CCDC12: variants seen among roughly 807,000 people sequenced by gnomAD.
CCDC12 encodes coiled-coil domain containing 12.
Under a neutral mutation model 25.7 loss-of-function variants are expected in CCDC12, and 28 were observed. The ratio of observed to expected loss-of-function variants is 1.09; its 90% CI spans 0.81 to 1.50. The LOEUF is 1.50. Among genes scored for constraint, CCDC12 ranks in the 40% most tolerant of loss-of-function variants. The pLI, the probability that CCDC12 is intolerant of heterozygous loss-of-function variation, is 0.00. For synonymous variants in CCDC12, 75 were observed against 87.7 expected (o/e 0.86, Z 0.81); for missense variants, 198 against 210.0 (o/e 0.94, Z 0.35).
chr3:46,934,943 C>A (rs2033385086), intron 2 of CCDC12, among the ~76,000 whole-genome samples: 1 of 152,234 alleles, frequency 6.6e-6, no homozygotes, highest in Admixed American at 6.5e-5. Flanking sequence ...GATCAAACAA[C>A]CATGATCTGT....
chr3:46,923,762 C>T, intron 3 of CCDC12, 94 bp from the exon 4 acceptor site: 1 of 1,071,934 alleles, frequency 9.3e-7, no homozygotes, highest in Non-Finnish European at 1.3e-6. Flanking sequence ...AGAGACGGGA[C>T]CCCAGGCTTC....
intron 3 of CCDC12, chr3:46,925,020 T>C (rs2032881750): frequency 5.8e-6 from 2 of 346,352 alleles, no homozygotes; most frequent in Admixed American, 3.9e-5. Flanking sequence ...CTCCCCTGCC[T>C]CAGTGCTCCA....
intron 4 of CCDC12, 70 bp from the exon 5 acceptor site, chr3:46,923,433 A>G (rs1469192679): frequency 6.4e-7 from 1 of 1,551,766 alleles, no homozygotes; most frequent in African/African-American, 1.4e-5. Flanking sequence ...CAGGCTCGAG[A>G]AGGAGGGAAA....
chr3:46,936,155 T>C (rs2107126064), intron 2 of CCDC12, among the ~76,000 whole-genome samples: 1 of 152,320 alleles, frequency 6.6e-6, no homozygotes, highest in Middle Eastern at 3.4e-3. Flanking sequence ...TGTATCTGGT[T>C]AGACAAATGA....
intron 3 of CCDC12, 123 bp from the exon 4 acceptor site, chr3:46,923,791 T>A (rs910985220): frequency 1.3e-6 from 1 of 787,290 alleles, no homozygotes; most frequent in Non-Finnish European, 1.8e-6. Context: ...CACCTCTGTG[T>A]GGCCCGCAAC....
At chr3:46,934,249 C>G (rs1463123199) in intron 2 of CCDC12, among the ~76,000 whole-genome samples, 2 of 152,242 alleles carry the variant, frequency 1.3e-5, no homozygotes, top group Non-Finnish European at 2.9e-5. Context: ...CCCTCACCCT[C>G]CCAGGGCCCA....
chr3:46,969,596 T>TC (rs2107198423), intron 1 of CCDC12, among the ~76,000 whole-genome samples: 1 of 152,220 alleles, frequency 6.6e-6, no homozygotes, highest in African/African-American at 2.4e-5. Context: ...AGCACTTAAC[T>TC]CCACAGGGTA....
At chr3:46,938,453 T>G (rs558848490) in intron 2 of CCDC12, among the ~76,000 whole-genome samples, 4 of 149,478 alleles carry the variant, frequency 2.7e-5, no homozygotes, top group Non-Finnish European at 5.9e-5. Flanking sequence ...ACACATATAC[T>G]CACCTCCTGC....
chr3:46,924,087 G>A, intron 3 of CCDC12: 1 of 162,784 alleles, frequency 6.1e-6, no homozygotes, highest in East Asian at 1.8e-4. Flanking sequence ...TCCCACCTCA[G>A]GTGTATGCTC....
intron 1 of CCDC12, among the ~76,000 whole-genome samples, chr3:46,959,956 C>G (rs2034413972): frequency 6.6e-6 from 1 of 152,190 alleles, no homozygotes; most frequent in South Asian, 2.1e-4. Context: ...GGACACTACT[C>G]ATAAGCCAAC....
At chr3:46,940,931 C>G in intron 2 of CCDC12, 67 bp downstream of exon 2, 1 of 1,500,398 alleles carries the variant, frequency 6.7e-7, no homozygotes, top group Non-Finnish European at 9.3e-7. Flanking sequence ...TTGGGAGGAC[C>G]CAGAGACTGG....
At chr3:46,938,091 C>T (rs765087799) in intron 2 of CCDC12, among the ~76,000 whole-genome samples, 6 of 152,220 alleles carry the variant, frequency 3.9e-5, no homozygotes, top group Non-Finnish European at 8.8e-5. Flanking sequence ...CACCATGCTC[C>T]ACTGCCTCAA....
chr3:46,951,798 A>AATAT (rs1553649460), intron 1 of CCDC12, among the ~76,000 whole-genome samples: 11 of 8,462 alleles, frequency 1.3e-3, no homozygotes, highest in African/African-American at 2.7e-3. Context: ...AAAAAAAAAA[A>AATAT]ATATATATAT....
At chr3:46,924,628 T>C (rs1312858486) in intron 3 of CCDC12, among the ~76,000 whole-genome samples, 1 of 152,140 alleles carries the variant, frequency 6.6e-6, no homozygotes, top group East Asian at 1.9e-4. Context: ...GTGGATCACT[T>C]GAGGTCAGGA....
At position 46,925,457 on chromosome 3, in the gene CCDC12, T is replaced by G. The variant is rs959892011; in HGVS notation, c.243A>C (p.Ala81=). Residue 81 remains alanine (A), a splice_region_variant and synonymous_variant, in exon 3 of 7, where the codon GCA becomes GCC. Transcript: ENST00000683445. ...GGTGGAGAGGGACAGCTTGCTTACC[T>G]GCAACCGGTTTGGCCTGGGGCACCC... is the stretch of plus-strand genomic sequence containing the variant. ...KRRVPQAKPV[A]VEEKVKEQLE... is the part of the protein sequence containing the mutation. 1 of 1,613,444 alleles carries G rather than the reference T, an allele frequency of 6.2e-7. No individual in the cohort carries two copies. Among genetic ancestry groups the G allele is most frequent in the Non-Finnish European group, 8.5e-7 (1 of 1,179,574 alleles).
At chr3:46,926,983 C>T (rs921587072) in intron 2 of CCDC12, among the ~76,000 whole-genome samples, 2 of 152,184 alleles carry the variant, frequency 1.3e-5, no homozygotes, top group African/African-American at 2.4e-5. Flanking sequence ...AGCTAGCAAG[C>T]GGCAGTGCTT....
At chr3:46,954,032 C>A (rs1160348217) in intron 1 of CCDC12, among the ~76,000 whole-genome samples, 2 of 152,180 alleles carry the variant, frequency 1.3e-5, no homozygotes, top group Non-Finnish European at 1.5e-5. Flanking sequence ...AAGGTCCATG[C>A]AGATTGGAAG....
chr3:46,970,325 C>T (rs4450857), intron 1 of CCDC12, among the ~76,000 whole-genome samples: 143,085 of 151,836 alleles, frequency 0.94, 68,032 homozygotes, highest in East Asian at 1. Context: ...AGTGTTACTG[C>T]ATATTATGTG....
At chr3:46,981,894 A>C (rs999690327) in intron 1 of CCDC12, 6 of 152,260 alleles carry the variant, frequency 3.9e-5, no homozygotes, top group African/African-American at 1.4e-4. Context: ...GTTATGGCTC[A>C]TATCTGTGCT....
Sources: allele counts gnomAD v4.1 joint callset (sites outside exome capture counted in the v4.1 genomes callset), GRCh38; gene constraint gnomAD v4.1.1; transcripts MANE v1.5; gene names NCBI Gene and HGNC (gene_info 2026-07-23, HGNC 2026-07-21).